NEDD4: variants seen among roughly 807,000 people sequenced by gnomAD.
NEDD4 encodes E3 ubiquitin-protein ligase NEDD4.
Under a neutral mutation model 144.9 loss-of-function variants are expected in NEDD4, and 99 were observed. The ratio of observed to expected loss-of-function variants is 0.68; its 90% CI spans 0.58 to 0.81. NEDD4 has a LOEUF of 0.81. Ranked by LOEUF, NEDD4 falls within the 30% of genes least tolerant of loss-of-function variation. The pLI, the probability that NEDD4 is intolerant of heterozygous loss-of-function variation, is 0.00. For missense variants in NEDD4, 985 were observed against 1,065.9 expected, an observed-to-expected ratio of 0.92 and a Z score of 1.06; for synonymous variants, 318 against 350.6, an observed-to-expected ratio of 0.91 and a Z score of 1.04.
intron 1 of NEDD4, among the ~76,000 whole-genome samples, chr15:55,971,558 G>C (rs1372875624): frequency 6.8e-6 from 1 of 146,610 alleles, no homozygotes; most frequent in Non-Finnish European, 1.5e-5. Flanking sequence ...CTGGGAGGCA[G>C]AGGCTGCAGT....
chr15:55,879,098 A>G (rs1199506048), intron 5 of NEDD4, among the ~76,000 whole-genome samples: 1 of 152,248 alleles, frequency 6.6e-6, no homozygotes, highest in African/African-American at 2.4e-5. Context: ...TGCTGGGATT[A>G]TAGGCATGAG....
At chr15:55,963,949 C>T (rs146406058) in intron 2 of NEDD4, among the ~76,000 whole-genome samples, 15 of 152,116 alleles carry the variant, frequency 9.9e-5, no homozygotes, top group African/African-American at 3.1e-4. Context: ...TCCTGGTCTC[C>T]GTAGTTTTGG....
At chr15:55,868,958 G>C (rs878993684) in intron 8 of NEDD4, among the ~76,000 whole-genome samples, 1 of 152,078 alleles carries the variant, frequency 6.6e-6, no homozygotes, top group Non-Finnish European at 1.5e-5. Context: ...TGTGCAACTA[G>C]GATTCCAGTC....
At chr15:55,904,252 T>G (rs747992988) in intron 5 of NEDD4, among the ~76,000 whole-genome samples, 3 of 152,160 alleles carry the variant, frequency 2.0e-5, no homozygotes, top group Non-Finnish European at 2.9e-5. Flanking sequence ...TAAACTCTAC[T>G]AGAAGGCTGT....
chr15:55,870,224 T>C (rs1298029520), intron 7 of NEDD4, among the ~76,000 whole-genome samples: 1 of 152,074 alleles, frequency 6.6e-6, no homozygotes, highest in African/African-American at 2.4e-5. Flanking sequence ...CACTGAGAAT[T>C]TGGGGGATAG....
At chr15:55,879,717 A>G (rs1286075817) in intron 5 of NEDD4, among the ~76,000 whole-genome samples, 1 of 152,220 alleles carries the variant, frequency 6.6e-6, no homozygotes, top group Non-Finnish European at 1.5e-5. Context: ...GGAGGCTGCA[A>G]AAAAGAAGCA....
At chr15:55,849,887 G>T (rs12898553) in intron 14 of NEDD4, among the ~76,000 whole-genome samples, 27,024 of 151,244 alleles carry the variant, frequency 0.18, 2,494 homozygotes, top group Non-Finnish European at 0.21. Flanking sequence ...CCGCCTCCTG[G>T]GTTCATGCCA....
chr15:55,973,289 A>T (rs1027720716), intron 1 of NEDD4, among the ~76,000 whole-genome samples: 4 of 152,220 alleles, frequency 2.6e-5, no homozygotes, highest in African/African-American at 7.2e-5. Context: ...CTGTAATTCC[A>T]ACACTTTGGG....
At position 55,829,793 on chromosome 15, in the gene NEDD4, G is replaced by A. The variant is rs1476357211; in HGVS notation, c.*104C>T. Reference sequence around the variant, plus strand: ...TTATATGATTTTCTTCAAGATCTGGGAAGACTCAGTGGCCACATTTTAGTA... The same window carrying A: ...TTATATGATTTTCTTCAAGATCTGGAAAGACTCAGTGGCCACATTTTAGTA... On this transcript the variant is annotated 3_prime_UTR_variant, in exon 29 of 29. Transcript: ENST00000435532. The A allele has an allele frequency of 1.5e-6, 1 of 682,846 alleles. No individual in the cohort carries two copies. Among genetic ancestry groups the A allele is most frequent in the East Asian group, 2.7e-5 (1 of 37,456 alleles). 42.3% of individuals were successfully genotyped at this position (682,846 alleles called of 1,614,324 possible). A position where few individuals can be genotyped will look rare whatever the true frequency, so the allele number is the denominator to read the frequency against.
chr15:55,975,261 G>A lies in NEDD4; in HGVS notation c.46-8715C>T, dbSNP rs536393788. Among the ~76,000 whole-genome samples, 97 of 152,124 alleles carry A rather than the reference G, an allele frequency of 6.4e-4. 1 individual carries two copies. Among genetic ancestry groups the A allele is most frequent in the Admixed American group, 2.0e-3 (31 of 15,256 alleles). On this transcript the variant is annotated intron_variant, in intron 1 of 28. Coordinates refer to ENST00000435532, the MANE Select transcript of NEDD4 (RefSeq NM_006154.4). ...AGCTAGAGAAATCAGATAAGAAAAA[G>A]AAAGGGAAGCTAAATTAGAAAGGAA...
At chr15:55,935,114 C>G (rs1156975677) in intron 4 of NEDD4, among the ~76,000 whole-genome samples, 1 of 151,976 alleles carries the variant, frequency 6.6e-6, no homozygotes, top group East Asian at 1.9e-4. Flanking sequence ...GTGATCCACC[C>G]TCCTCGGCCT....
chr15:55,878,786 CA>C (rs1221142627), intron 5 of NEDD4, among the ~76,000 whole-genome samples: 1 of 152,216 alleles, frequency 6.6e-6, no homozygotes, highest in Non-Finnish European at 1.5e-5. Flanking sequence ...TACAAAATAA[CA>C]TATATAAATC....
chr15:55,896,689 G>T (rs910864987), intron 5 of NEDD4, among the ~76,000 whole-genome samples: 3 of 151,962 alleles, frequency 2.0e-5, no homozygotes, highest in South Asian at 2.1e-4. Context: ...GGGTATTTCT[G>T]GTATCATGGA....
chr15:55,840,713 A>AG lies in NEDD4; in HGVS notation c.1852dup (p.Leu618ProfsTer11). The AG allele has an allele frequency of 6.2e-7, 1 of 1,613,532 alleles. No homozygotes were observed. Among genetic ancestry groups the AG allele is most frequent in the Non-Finnish European group, 8.5e-7 (1 of 1,179,850 alleles). On this transcript the variant is annotated frameshift_variant, in exon 20 of 29. Coordinates refer to ENST00000435532, the MANE Select transcript of NEDD4 (RefSeq NM_006154.4). LOFTEE classifies it high-confidence loss of function. ...CAATCCAGAGTTTGGATTTATCTGT[A>AG]GGGTATAATTGTCCCTGTAAAGACA...
chr15:55,852,772 C>T (rs2034045165), intron 12 of NEDD4, among the ~76,000 whole-genome samples: 1 of 148,816 alleles, frequency 6.7e-6, no homozygotes, highest in Non-Finnish European at 1.5e-5. Context: ...CAGAGAGAGA[C>T]AGGGTCTTGC....
At chr15:55,856,797 T>A (rs2142022797) in intron 11 of NEDD4, among the ~76,000 whole-genome samples, 1 of 152,344 alleles carries the variant, frequency 6.6e-6, no homozygotes, top group Non-Finnish European at 1.5e-5. Flanking sequence ...AATCTCATGT[T>A]CTTTCTTTCC....
At chr15:55,959,987 GCA>G (rs558410163) in intron 2 of NEDD4, among the ~76,000 whole-genome samples, 168 of 152,218 alleles carry the variant, frequency 1.1e-3, no homozygotes, top group African/African-American at 3.7e-3. Flanking sequence ...GTCACCCTTA[GCA>G]CAGTTTCCAG....
At chr15:55,832,959 G>C (rs759641106) in intron 27 of NEDD4, 49 bp downstream of exon 27, 11 of 1,249,884 alleles carry the variant, frequency 8.8e-6, no homozygotes, top group Admixed American at 3.8e-5. Context: ...CCATGAAAAA[G>C]ACAATACGCA....
In NEDD4 at chr15:55,966,458, A is replaced by C. The variant is rs2037514433; in HGVS notation, c.119+15T>G. 1.4e-6 allele frequency: 2 copies of C among 1,457,400 alleles called. No homozygotes were observed. Among genetic ancestry groups the C allele is most frequent in the Non-Finnish European group, 1.8e-6 (2 of 1,082,020 alleles). 90.3% of individuals were successfully genotyped at this position (1,457,400 alleles called of 1,614,324 possible). On this transcript the variant is annotated intron_variant, in intron 2 of 28. Transcript: ENST00000435532. The stretch of plus-strand genomic sequence containing the variant: ...TGCAAAGTTTTAAAATTATAATCCA[A>C]ATAGATATACTTACCTAGCTCCCAA...
Sources: gnomAD v4.1 joint callset for allele counts (sites outside exome capture counted in the v4.1 genomes callset) on GRCh38, gnomAD v4.1.1 for gene constraint, MANE v1.5 for transcripts, NCBI Gene and HGNC (gene_info 2026-07-23, HGNC 2026-07-21) for gene names.